The following PPIG variants were observed in gnomAD, a reference collection of about 807,000 sequenced individuals.
PPIG encodes the protein peptidylprolyl isomerase G, also known as peptidyl-prolyl cis-trans isomerase G.
Under a neutral mutation model 87.9 loss-of-function variants are expected in PPIG, and 26 were observed. That is an observed-to-expected ratio of 0.30 (90% CI 0.22 to 0.41). The LOEUF is 0.41. Among genes scored for constraint, PPIG ranks in the 10% least tolerant of loss-of-function variants. The probability of loss-of-function intolerance (pLI) is 1.00; values close to 1 mark genes in which losing one functional copy is unlikely to be tolerated. For missense variants in PPIG, 722 were observed against 879.4 expected (o/e 0.82, Z 2.26); for synonymous variants, 308 against 276.5 (o/e 1.11, Z -1.13).
intron 7 of PPIG, among the ~76,000 whole-genome samples, chr2:169,610,386 T>G (rs1232765851): frequency 6.6e-6 from 1 of 152,232 alleles, no homozygotes; most frequent in Non-Finnish European, 1.5e-5. Flanking sequence ...ATTAGTTCTT[T>G]TTTGGTTTGG....
intron 12 of PPIG, chr2:169,633,448 G>A (rs746964128): frequency 2.0e-5 from 12 of 596,222 alleles, no homozygotes; most frequent in Non-Finnish European, 3.5e-5. Flanking sequence ...GATATGAATA[G>A]ATTTTACATT....
intron 1 of PPIG, among the ~76,000 whole-genome samples, chr2:169,599,560 A>G (rs1220608044): frequency 1.3e-5 from 2 of 152,204 alleles, no homozygotes; most frequent in Non-Finnish European, 2.9e-5. Flanking sequence ...TACAATGAAT[A>G]TGAATATATT....
intron 9 of PPIG, among the ~76,000 whole-genome samples, chr2:169,620,190 T>C (rs1685707715): frequency 6.6e-6 from 1 of 152,172 alleles, no homozygotes; most frequent in Non-Finnish European, 1.5e-5. Context: ...TCCGTGTGTT[T>C]TCTTTTAGTG....
At chr2:169,632,110 T>A (rs1034025956) in intron 11 of PPIG, among the ~76,000 whole-genome samples, 177 bp downstream of exon 11, 2 of 152,208 alleles carry the variant, frequency 1.3e-5, no homozygotes, top group Non-Finnish European at 2.9e-5. Flanking sequence ...AAAGGGAAAT[T>A]GACTTAAATT....
intron 4 of PPIG, 24 bp from the exon 5 acceptor site, chr2:169,606,015 T>C (rs1187825363): frequency 2.6e-6 from 4 of 1,513,274 alleles, no homozygotes; most frequent in African/African-American, 1.4e-5. Flanking sequence ...TTCTATTAAA[T>C]GTCCTATTTT....
At chr2:169,603,509 AG>A (rs1427301440) in intron 1 of PPIG, 132 bp from the exon 2 acceptor site, 6 of 10,190 alleles carry the variant, frequency 5.9e-4, no homozygotes, top group African/African-American at 1.6e-3. Context: ...ATAGTTAAAT[AG>A]TATATTAACT....
At chr2:169,600,030 T>TAGAA (rs1460147001) in intron 1 of PPIG, among the ~76,000 whole-genome samples, 1 of 152,128 alleles carries the variant, frequency 6.6e-6, no homozygotes, top group Non-Finnish European at 1.5e-5. Flanking sequence ...GTACTTTTCT[T>TAGAA]AGTTTCTATT....
intron 7 of PPIG, among the ~76,000 whole-genome samples, chr2:169,613,020 T>C (rs1685531842): frequency 6.6e-6 from 1 of 152,238 alleles, no homozygotes; most frequent in African/African-American, 2.4e-5. Flanking sequence ...ACACTATGTG[T>C]ATCTGTAAAT....
intron 10 of PPIG, chr2:169,631,472 A>T: frequency 1.4e-6 from 1 of 708,374 alleles, no homozygotes; most frequent in Non-Finnish European, 1.9e-6. Flanking sequence ...CATGTTTTAA[A>T]GTATTTTAAA....
Position 169,636,920 on chromosome 2 carries a change from T to G in PPIG, c.1662T>G (p.Gly554=). Residue 554 remains glycine (G), a synonymous_variant, in exon 14 of 14, where the codon GGT becomes GGG. Coordinates refer to ENST00000260970, the MANE Select transcript of PPIG (RefSeq NM_004792.3). ...GTAGAGAATGTGATATAACTAAAGGTAAACACAGTTATAATAGCAGAACAA... is the reference window on the plus strand; with the variant it reads ...GTAGAGAATGTGATATAACTAAAGGGAAACACAGTTATAATAGCAGAACAA... ...SRSRECDITK[G]KHSYNSRTRE... is the part of the protein sequence containing the mutation. 1 of 1,613,734 alleles carries G rather than the reference T, an allele frequency of 6.2e-7. No homozygotes were observed. The highest frequency in any genetic ancestry group is 1.1e-5 in the South Asian group (1 of 91,060).
intron 9 of PPIG, among the ~76,000 whole-genome samples, chr2:169,628,651 T>C (rs972323813): frequency 6.6e-6 from 1 of 151,756 alleles, no homozygotes; most frequent in Non-Finnish European, 1.5e-5. Context: ...TCTTCATAAA[T>C]AAACAAGGTT....
chr2:169,587,533 C>T (rs1431676728), intron 1 of PPIG, among the ~76,000 whole-genome samples: 2 of 152,188 alleles, frequency 1.3e-5, no homozygotes, highest in African/African-American at 4.8e-5. Context: ...AGCCACCGTG[C>T]CCAGACCTTT....
chr2:169,589,885 G>A (rs1684811981), intron 1 of PPIG, among the ~76,000 whole-genome samples: 1 of 152,102 alleles, frequency 6.6e-6, no homozygotes, highest in Non-Finnish European at 1.5e-5. Context: ...TGAGGCAGGC[G>A]GATCACCTGC....
chr2:169,637,148 C>G lies in PPIG; in HGVS notation c.1890C>G (p.Ser630Arg), dbSNP rs1442773729. The G allele has an allele frequency of 6.2e-7, 1 of 1,612,294 alleles. No homozygotes were observed. The highest frequency in any genetic ancestry group is 8.5e-7 in the Non-Finnish European group (1 of 1,179,398). ...GGAGAAGGAGGAGAGACTCACGGAG[C>G]TCAGAGAGAGAAGAAAGTCAAAGCA... ...DRRRRRRDSR[S>R]SEREESQSRN... The change falls in exon 14 of 14, where the codon AGC becomes AGG. Residue 630 changes from serine (S) to arginine (R), a missense_variant. By Grantham distance (110) the Ser-to-Arg change is moderately radical. Around this residue, in one of 4 missense-constraint regions of PPIG, gnomAD observed 476 missense variants for 483.1 expected, o/e 0.99. Transcript: ENST00000260970.
At chr2:169,617,650 T>A (rs956736931) in intron 9 of PPIG, among the ~76,000 whole-genome samples, 1 of 152,210 alleles carries the variant, frequency 6.6e-6, no homozygotes, top group Non-Finnish European at 1.5e-5. Flanking sequence ...ATGATTTGAC[T>A]CTCTGTCTGT....
intron 7 of PPIG, among the ~76,000 whole-genome samples, chr2:169,613,887 G>A (rs1685550547): frequency 6.6e-6 from 1 of 152,160 alleles, no homozygotes; most frequent in South Asian, 2.1e-4. Flanking sequence ...GGTTGTGCCA[G>A]TGCACTGCAG....
intron 1 of PPIG, among the ~76,000 whole-genome samples, chr2:169,598,869 A>ATATAAATACAGGTAAATATATTTG (rs61188816): frequency 0.17 from 24,847 of 147,944 alleles, 2,349 homozygotes; most frequent in South Asian, 0.26. Context: ...AAATATATTT[A>ATATAAATACAGGTAAATATATTTG]TATAAATACA....
chr2:169,620,068 A>G (rs1165773318), intron 9 of PPIG, among the ~76,000 whole-genome samples: 1 of 152,092 alleles, frequency 6.6e-6, no homozygotes, highest in Admixed American at 6.6e-5. Context: ...GGCTGTGCAG[A>G]ACCCTGTTAG....
In PPIG at chr2:169,640,612, G is replaced by C. The variant is rs1034680665; in HGVS notation, c.*3089G>C. On this transcript the variant is annotated 3_prime_UTR_variant, in exon 14 of 14. Transcript: ENST00000260970. ...AAAGAAACAAAATGGGTGTTCTTCT[G>C]TTTCCTTTTGATTATGTTTACTGTA... The C allele has an allele frequency of 1.3e-5, 2 of 152,056 alleles. No individual in the cohort carries two copies. Among genetic ancestry groups the C allele is most frequent in the African/African-American group, 4.8e-5 (2 of 41,406 alleles). The allele number at this position is 152,056 out of a possible 1,614,324, so 9.4% of individuals were successfully genotyped here. A position where few individuals can be genotyped will look rare whatever the true frequency, so the allele number is the denominator to read the frequency against.
Sources: gnomAD v4.1 joint callset for allele counts (sites outside exome capture counted in the v4.1 genomes callset) on GRCh38, gnomAD v4.1.1 for gene constraint, gnomAD v4.1.1 regional missense constraint, MANE v1.5 for transcripts, NCBI Gene and HGNC (gene_info 2026-07-23, HGNC 2026-07-21) for gene names.